HSPA12A: variants seen among roughly 807,000 people sequenced by gnomAD.
HSPA12A encodes the protein heat shock 70 kDa protein 12A.
Under a neutral mutation model 69.2 loss-of-function variants are expected in HSPA12A, and 28 were observed. That is an observed-to-expected ratio of 0.40 (90% CI 0.30 to 0.55). The LOEUF (loss-of-function observed/expected upper bound fraction) is 0.55, where lower values mean the gene tolerates loss of function less well. Among genes scored for constraint, HSPA12A ranks in the 20% least tolerant of loss-of-function variants. HSPA12A has a pLI of 0.38. For synonymous variants in HSPA12A, 345 were observed against 370.5 expected, an observed-to-expected ratio of 0.93 and a Z score of 0.79; for missense variants, 686 against 900.7, an observed-to-expected ratio of 0.76 and a Z score of 3.05.
chr10:116,719,564 C>T (rs1179480397), intron 1 of HSPA12A, among the ~76,000 whole-genome samples: 7 of 152,168 alleles, frequency 4.6e-5, no homozygotes, highest in Admixed American at 4.6e-4. Flanking sequence ...AAACTGATTC[C>T]TAGTTATGCA....
intron 2 of HSPA12A, among the ~76,000 whole-genome samples, chr10:116,820,263 C>A (rs1845386846): frequency 1.3e-5 from 2 of 151,944 alleles, no homozygotes; most frequent in Non-Finnish European, 2.9e-5. Flanking sequence ...TGAACAGCAA[C>A]ATACTTGTTG....
At chr10:116,682,018 T>C in intron 7 of HSPA12A, 141 bp from the exon 8 acceptor site, 1 of 686,662 alleles carries the variant, frequency 1.5e-6, no homozygotes, top group Non-Finnish European at 2.5e-6. Context: ...GTCAATACGA[T>C]GTCGGGAATC....
intron 6 of HSPA12A, among the ~76,000 whole-genome samples, chr10:116,688,617 CAGGCTACAGAA>C (rs1184312011): frequency 1.3e-5 from 2 of 152,226 alleles, no homozygotes; most frequent in Non-Finnish European, 2.9e-5. Flanking sequence ...GGTCTGCGGT[CAGGCTACAGAA>C]AGGCTACAGC....
chr10:116,846,904 A>G (rs180908591), intron 1 of HSPA12A, among the ~76,000 whole-genome samples: 3 of 152,150 alleles, frequency 2.0e-5, no homozygotes, highest in Admixed American at 2.0e-4. Context: ...TCTTCTCTAA[A>G]CCCTTTTTCC....
intron 2 of HSPA12A, among the ~76,000 whole-genome samples, chr10:116,765,737 T>A (rs1844062961): frequency 6.6e-6 from 1 of 152,196 alleles, no homozygotes; most frequent in Non-Finnish European, 1.5e-5. Context: ...CATAGCCTGC[T>A]GTTCTCGAGG....
At chr10:116,709,826 C>G (rs1388567172) in intron 1 of HSPA12A, among the ~76,000 whole-genome samples, 2 of 152,134 alleles carry the variant, frequency 1.3e-5, no homozygotes, top group African/African-American at 4.8e-5. Flanking sequence ...GAATCATACA[C>G]TTAAAATGGT....
Position 116,686,151 on chromosome 10 carries a change from C to T in HSPA12A, c.664-2189G>A, listed in dbSNP as rs1437013403. Among the ~76,000 whole-genome samples, 2 of 152,176 alleles carry T rather than the reference C, an allele frequency of 1.3e-5. No homozygotes were observed. Among genetic ancestry groups the T allele is most frequent in the East Asian group, 3.9e-4 (2 of 5,178 alleles). ...TTCACTCTCACAGGGTCACATTAGACATCCTTAGCACAAACATGGCTGGAG... is the reference window on the plus strand; with the variant it reads ...TTCACTCTCACAGGGTCACATTAGATATCCTTAGCACAAACATGGCTGGAG... On this transcript the variant is annotated intron_variant, in intron 6 of 11. Transcript: ENST00000369209. This position sits in a 1 kb window ranked among gnomAD's most constrained non-coding sequence, Gnocchi z 4.1.
intron 2 of HSPA12A, among the ~76,000 whole-genome samples, chr10:116,769,273 T>C (rs532347568): frequency 2.4e-4 from 36 of 152,148 alleles, no homozygotes; most frequent in Non-Finnish European, 4.6e-4. Flanking sequence ...GGTGTGGGCT[T>C]GGTGGGGTCT....
intron 1 of HSPA12A, among the ~76,000 whole-genome samples, chr10:116,732,020 A>T (rs1018203917): frequency 6.6e-6 from 1 of 152,134 alleles, no homozygotes; most frequent in African/African-American, 2.4e-5. Flanking sequence ...GGTGGGTGAC[A>T]TGCAGAGCAA....
chr10:116,798,091 C>A (rs1281831503), intron 2 of HSPA12A, among the ~76,000 whole-genome samples: 1 of 147,994 alleles, frequency 6.8e-6, no homozygotes, highest in Non-Finnish European at 1.5e-5. Context: ...TGGGGTCTCC[C>A]AAGCCAGGCT....
chr10:116,819,358 GGTCTGA>G (rs1845367882), intron 2 of HSPA12A, among the ~76,000 whole-genome samples: 1 of 152,160 alleles, frequency 6.6e-6, no homozygotes, highest in African/African-American at 2.4e-5. Flanking sequence ...AGGGTTCCGT[GGTCTGA>G]GTCTTTGTGT....
intron 1 of HSPA12A, among the ~76,000 whole-genome samples, chr10:116,724,338 G>A (rs1850880059): frequency 6.6e-6 from 1 of 152,050 alleles, no homozygotes; most frequent in Admixed American, 6.5e-5. Flanking sequence ...TATTATATTT[G>A]TACCTATTTA....
rs11197804 is a variant in HSPA12A, at chr10:116,713,636, T to A, written c.41-6351A>T. Among the ~76,000 whole-genome samples the A allele has an allele frequency of 1.4e-3, 207 of 152,186 alleles. 7 individuals are homozygous for A. The East Asian group carries it at 0.034, about 25-fold the overall frequency. On this transcript the variant is annotated intron_variant, in intron 1 of 11. Coordinates refer to ENST00000369209, the MANE Select transcript of HSPA12A (RefSeq NM_025015.3). ...CAGGAAAAGCCCCGAGTCCCTGCAA[T>A]CCCAAACTGTCAACAGGGGTGGTTC...
intron 5 of HSPA12A, among the ~76,000 whole-genome samples, chr10:116,695,066 G>T (rs1267688964): frequency 6.6e-6 from 1 of 151,756 alleles, no homozygotes; most frequent in African/African-American, 2.4e-5. Context: ...CCCAGCCCAC[G>T]GGCCCTCTTT....
chr10:116,818,152 C>T (rs1323023769), intron 2 of HSPA12A, among the ~76,000 whole-genome samples: 8 of 152,234 alleles, frequency 5.3e-5, no homozygotes, highest in Non-Finnish European at 7.3e-5. Context: ...CCACCTCACC[C>T]TCTCCTTGAG....
intron 6 of HSPA12A, among the ~76,000 whole-genome samples, chr10:116,685,000 C>T (rs1326007463): frequency 1.3e-5 from 2 of 152,196 alleles, no homozygotes; most frequent in African/African-American, 2.4e-5. Context: ...GCCCCACTTG[C>T]TTCTGGAAAC....
intron 2 of HSPA12A, among the ~76,000 whole-genome samples, chr10:116,812,120 C>A (rs1845201990): frequency 6.6e-6 from 1 of 152,158 alleles, no homozygotes; most frequent in Non-Finnish European, 1.5e-5. Flanking sequence ...GTACCTATTA[C>A]AAAGACACAC....
chr10:116,764,281 G>A (rs1056475446), intron 2 of HSPA12A, among the ~76,000 whole-genome samples: 6 of 152,152 alleles, frequency 3.9e-5, no homozygotes, highest in African/African-American at 1.4e-4. Flanking sequence ...AATGTGAAAG[G>A]TTATTATCGT....
chr10:116,825,079 TG>T (rs977512645), intron 2 of HSPA12A, among the ~76,000 whole-genome samples: 1 of 150,188 alleles, frequency 6.7e-6, no homozygotes, highest in Non-Finnish European at 1.5e-5. Flanking sequence ...TCCTAGCTAC[TG>T]GGGGGCTGTG....
Sources: gnomAD v4.1 joint callset for allele counts (sites outside exome capture counted in the v4.1 genomes callset) on GRCh38, gnomAD v4.1.1 for gene constraint, Gnocchi (gnomAD v3.1) non-coding constraint, MANE v1.5 for transcripts, NCBI Gene and HGNC (gene_info 2026-07-23, HGNC 2026-07-21) for gene names.